KIF16B: variants seen among roughly 807,000 people sequenced by gnomAD.
The protein encoded by KIF16B is kinesin family member 16B.
In KIF16B, 98 loss-of-function variants were observed where a neutral mutation model predicts 156.3. That is an observed-to-expected ratio of 0.63 (90% confidence interval 0.53 to 0.74). The LOEUF (loss-of-function observed/expected upper bound fraction) is 0.74, where lower values mean the gene tolerates loss of function less well. Among genes scored for constraint, KIF16B ranks in the 30% least tolerant of loss-of-function variants. The pLI is 0.00. For missense variants in KIF16B, 1,421 were observed against 1,606.5 expected, an observed-to-expected ratio of 0.88 and a Z score of 1.97; for synonymous variants, 564 against 583.7, an observed-to-expected ratio of 0.97 and a Z score of 0.49.
chr20:16,559,987 A>C (rs2147352169), intron 1 of KIF16B, among the ~76,000 whole-genome samples: 1 of 152,348 alleles, frequency 6.6e-6, no homozygotes, highest in South Asian at 2.1e-4. Flanking sequence ...TTATAGAAGA[A>C]AAGAACATTC....
intron 1 of KIF16B, among the ~76,000 whole-genome samples, chr20:16,571,659 T>A (rs539310690): frequency 1.3e-5 from 2 of 151,438 alleles, no homozygotes; most frequent in South Asian, 2.1e-4. Context: ...AGAGGGAGTC[T>A]CGCTCTGTCA....
chr20:16,496,172 C>T (rs934487143), intron 11 of KIF16B, among the ~76,000 whole-genome samples: 38 of 152,312 alleles, frequency 2.5e-4, no homozygotes, highest in African/African-American at 8.7e-4. Context: ...TATTCTTATG[C>T]CTTCTCTCCC....
At chr20:16,308,862 C>T (rs1055687074) in intron 25 of KIF16B, among the ~76,000 whole-genome samples, 4 of 152,252 alleles carry the variant, frequency 2.6e-5, no homozygotes, top group Non-Finnish European at 5.9e-5. Context: ...CAAACTAACA[C>T]ATCAGAGACT....
intron 12 of KIF16B, among the ~76,000 whole-genome samples, chr20:16,470,515 A>G (rs1405534772): frequency 6.6e-6 from 1 of 151,880 alleles, no homozygotes; most frequent in East Asian, 1.9e-4. Context: ...ACAGGGTCTC[A>G]CTCCATCACC....
intron 6 of KIF16B, among the ~76,000 whole-genome samples, chr20:16,508,344 C>G (rs2068851126): frequency 6.6e-6 from 1 of 152,184 alleles, no homozygotes; most frequent in Non-Finnish European, 1.5e-5. Flanking sequence ...CTTCACCTCA[C>G]TGTGCCTCAG....
chr20:16,427,968 C>T (rs1489591684), intron 14 of KIF16B, among the ~76,000 whole-genome samples: 1 of 152,122 alleles, frequency 6.6e-6, no homozygotes, highest in Non-Finnish European at 1.5e-5. Context: ...AACTAGTTTC[C>T]ACTGTCTCTA....
At chr20:16,350,190 T>A (rs998866360) in intron 23 of KIF16B, among the ~76,000 whole-genome samples, 3 of 152,232 alleles carry the variant, frequency 2.0e-5, no homozygotes, top group Non-Finnish European at 4.4e-5. Context: ...CTAAGTTGTC[T>A]GTGTGTAGTT....
At chr20:16,463,218 C>T (rs2067396141) in intron 12 of KIF16B, among the ~76,000 whole-genome samples, 1 of 152,174 alleles carries the variant, frequency 6.6e-6, no homozygotes, top group South Asian at 2.1e-4. Flanking sequence ...TTAACCTCCA[C>T]TCTTAACCTC....
intron 25 of KIF16B, among the ~76,000 whole-genome samples, chr20:16,304,465 C>G (rs1456295675): frequency 6.6e-6 from 1 of 152,150 alleles, no homozygotes; most frequent in Non-Finnish European, 1.5e-5. Flanking sequence ...CTCCAACAGC[C>G]ACTAAACATA....
chr20:16,300,754 C>CA (rs2063460066), intron 25 of KIF16B, among the ~76,000 whole-genome samples: 1 of 152,076 alleles, frequency 6.6e-6, no homozygotes, highest in East Asian at 1.9e-4. Flanking sequence ...CTTTACCCCC[C>CA]AAATATGCAG....
rs561389083 is a variant in KIF16B at position 16,491,854 on chromosome 20, G to A, written c.1302+2437C>T. On this transcript the variant is annotated intron_variant, in intron 12 of 25. Coordinates refer to ENST00000354981, the MANE Select transcript of KIF16B (RefSeq NM_024704.5). ...GTGGATTCCACTCACGCAGGGCAAG[G>A]GAAGCCACCGACTAGGTAGAGAAAG... is the stretch of plus-strand genomic sequence containing the variant. Among the ~76,000 whole-genome samples the A allele has an allele frequency of 6.5e-3, 985 of 152,272 alleles. 7 individuals are homozygous for A. Among genetic ancestry groups the A allele is most frequent in the Non-Finnish European group, 0.012 (798 of 68,016 alleles).
chr20:16,291,872 T>C (rs1487123786), intron 25 of KIF16B, among the ~76,000 whole-genome samples: 1 of 152,142 alleles, frequency 6.6e-6, no homozygotes, highest in African/African-American at 2.4e-5. Context: ...CCGCACACCC[T>C]GGAGATATTA....
chr20:16,287,434 A>T (rs2063239774), intron 25 of KIF16B, among the ~76,000 whole-genome samples: 1 of 152,222 alleles, frequency 6.6e-6, no homozygotes, highest in Admixed American at 6.5e-5. Context: ...AAAATTCATC[A>T]GGGTGAAAAT....
intron 6 of KIF16B, among the ~76,000 whole-genome samples, chr20:16,510,417 C>T (rs1173650625): frequency 2.6e-5 from 4 of 152,070 alleles, no homozygotes; most frequent in South Asian, 2.1e-4. Flanking sequence ...ATTGGGAAGC[C>T]GAGGCAGGTG....
intron 12 of KIF16B, among the ~76,000 whole-genome samples, chr20:16,472,554 A>T (rs373998249): frequency 1.8e-3 from 1 of 568 alleles, no homozygotes; most frequent in African/African-American, 3.8e-3. Context: ...ATCTGAAATT[A>T]AAAAAAAAAA....
At chr20:16,438,509 C>T (rs1156693133) in intron 12 of KIF16B, among the ~76,000 whole-genome samples, 9 of 152,102 alleles carry the variant, frequency 5.9e-5, no homozygotes, top group Non-Finnish European at 1.3e-4. Context: ...ATATTGTTTG[C>T]AATTTCAGGC....
chr20:16,378,482 C>A (rs1021518563), intron 19 of KIF16B, among the ~76,000 whole-genome samples: 3 of 152,082 alleles, frequency 2.0e-5, no homozygotes, highest in Admixed American at 2.0e-4. Flanking sequence ...AAAGTGGAAA[C>A]TTTCTAGTCT....
chr20:16,345,237 C>T (rs1401694139), intron 23 of KIF16B, among the ~76,000 whole-genome samples: 1 of 152,214 alleles, frequency 6.6e-6, no homozygotes, highest in African/African-American at 2.4e-5. Context: ...TTAATTGTCT[C>T]CTGAATGGAT....
chr20:16,509,113 C>A (rs2068878904), intron 6 of KIF16B, among the ~76,000 whole-genome samples: 1 of 152,140 alleles, frequency 6.6e-6, no homozygotes, highest in African/African-American at 2.4e-5. Context: ...TTAGTTTGTA[C>A]CCTGCTTTTA....
Sources: gnomAD v4.1 joint callset for allele counts (sites outside exome capture counted in the v4.1 genomes callset) on GRCh38, gnomAD v4.1.1 for gene constraint, MANE v1.5 for transcripts, NCBI Gene and HGNC (gene_info 2026-07-23, HGNC 2026-07-21) for gene names.